ZDHHC2: variants seen among roughly 807,000 people sequenced by gnomAD.
The protein encoded by ZDHHC2 is zDHHC palmitoyltransferase 2.
Under a neutral mutation model 55.6 loss-of-function variants are expected in ZDHHC2, and 51 were observed. The observed-to-expected ratio is 0.92, with a 90% CI of 0.73 to 1.16. ZDHHC2 has a LOEUF of 1.16. Among genes scored for constraint, ZDHHC2 ranks in the 50% most tolerant of loss-of-function variants. The pLI is 0.00. For missense variants in ZDHHC2, 491 were observed against 442.4 expected, an observed-to-expected ratio of 1.11 and a Z score of -0.99; for synonymous variants, 199 against 152.9, an observed-to-expected ratio of 1.30 and a Z score of -2.22.
rs746426718 is a variant in ZDHHC2, at chr8:17,224,351, C to T, written c.*4130C>T. On this transcript the variant is annotated 3_prime_UTR_variant, in exon 13 of 13. Transcript: ENST00000262096. ...GGGGAAAATGTCTGTTAAGGCTAAT[C>T]ATCTGAGTGATTTGAGTAGCAATTA... 3.3e-5 allele frequency: 5 copies of T among 151,638 alleles called. No individual in the cohort carries two copies. Among genetic ancestry groups the T allele is most frequent in the Admixed American group, 2.6e-4 (4 of 15,174 alleles). The allele number at this position is 151,638 out of a possible 1,614,324, so 9.4% of individuals were successfully genotyped here. A position where few individuals can be genotyped will look rare whatever the true frequency, so the allele number is the denominator to read the frequency against.
At position 17,224,100 on chromosome 8, in the gene ZDHHC2, G is replaced by A. The variant is rs984193623; in HGVS notation, c.*3879G>A. The A allele has an allele frequency of 6.6e-6, 1 of 151,458 alleles. No individual in the cohort carries two copies. The highest frequency in any genetic ancestry group is 2.4e-5 in the African/African-American group (1 of 41,308). 9.4% of individuals were successfully genotyped at this position (151,458 alleles called of 1,614,324 possible). A position where few individuals can be genotyped will look rare whatever the true frequency, so the allele number is the denominator to read the frequency against. Reference sequence around the variant, plus strand: ...AAAGAACTATGATGATGCAGTCCAGGTATCTAATAGCTCAATCACCAACAC... The same window carrying A: ...AAAGAACTATGATGATGCAGTCCAGATATCTAATAGCTCAATCACCAACAC... On this transcript the variant is annotated 3_prime_UTR_variant, in exon 13 of 13. Transcript: ENST00000262096.
chr8:17,210,431 G>A lies in ZDHHC2; in HGVS notation c.901G>A (p.Asp301Asn), dbSNP rs1489871926. 2.5e-6 allele frequency: 4 copies of A among 1,613,156 alleles called. No homozygotes were observed. The South Asian group carries it at 3.3e-5, about 13-fold the overall frequency. Residue 301 changes from aspartate to asparagine, a missense_variant, in exon 10 of 13, where the codon GAT (aspartate) becomes AAT (asparagine). Asp to Asn is a conservative substitution (Grantham distance 23, BLOSUM62 1). Coordinates refer to ENST00000262096, the MANE Select transcript of ZDHHC2 (RefSeq NM_016353.5). ...CTTTCCAACTTGCCTTGTTAACCAG[G>A]ATCCTGAACAAGCATCTACTCCTGC... ...CSFPTCLVNQDPEQASTPAGL... is the reference protein window; with the variant it reads ...CSFPTCLVNQNPEQASTPAGL...
intron 1 of ZDHHC2, among the ~76,000 whole-genome samples, chr8:17,170,395 C>G (rs938602209): frequency 5.9e-5 from 9 of 152,124 alleles, no homozygotes; most frequent in African/African-American, 2.2e-4. Context: ...AAATTTTATT[C>G]CAATGAGCTC....
intron 1 of ZDHHC2, among the ~76,000 whole-genome samples, chr8:17,181,339 G>A (rs1443809240): frequency 6.6e-6 from 1 of 152,198 alleles, no homozygotes; most frequent in Non-Finnish European, 1.5e-5. Flanking sequence ...AGAGCTGGAA[G>A]TTGTAACGTT....
At chr8:17,157,142 C>T (rs1378610524) in intron 1 of ZDHHC2, among the ~76,000 whole-genome samples, 1 of 152,146 alleles carries the variant, frequency 6.6e-6, no homozygotes, top group Non-Finnish European at 1.5e-5. Flanking sequence ...GGCCACACCC[C>T]CTAGAGGGGC....
intron 6 of ZDHHC2, among the ~76,000 whole-genome samples, chr8:17,201,533 C>T (rs913831782): frequency 1.6e-5 from 2 of 126,592 alleles, no homozygotes; most frequent in Admixed American, 9.7e-5. Flanking sequence ...AGCTCTGTAA[C>T]CTGGGCTAGA....
At chr8:17,166,279 C>T (rs1475551004) in intron 1 of ZDHHC2, among the ~76,000 whole-genome samples, 2 of 152,146 alleles carry the variant, frequency 1.3e-5, no homozygotes, top group African/African-American at 4.8e-5. Flanking sequence ...CGTATTTTTA[C>T]AGTAGCGACA....
chr8:17,211,668 T>C (rs1162539253), intron 10 of ZDHHC2, among the ~76,000 whole-genome samples: 2 of 152,116 alleles, frequency 1.3e-5, no homozygotes, highest in Non-Finnish European at 2.9e-5. Context: ...TTTTAAATTG[T>C]CAAAAGAGAT....
chr8:17,200,802 A>C (rs150945914), intron 6 of ZDHHC2, among the ~76,000 whole-genome samples: 26 of 152,296 alleles, frequency 1.7e-4, no homozygotes, highest in African/African-American at 2.2e-4. Flanking sequence ...TGGCATGCCT[A>C]CACACCACCT....
At chr8:17,201,363 GA>G (rs1806751652) in intron 6 of ZDHHC2, among the ~76,000 whole-genome samples, 1 of 150,430 alleles carries the variant, frequency 6.6e-6, no homozygotes. Flanking sequence ...GTTTCCGTAT[GA>G]ATATATAAAA....
In ZDHHC2 at chr8:17,220,452, G is replaced by T. The variant is rs970031412; in HGVS notation, c.*231G>T. 3 of 152,148 alleles carry T rather than the reference G, an allele frequency of 2.0e-5. No homozygotes were observed. In the East Asian group the frequency reaches 5.8e-4, roughly 29 times the overall value. 9.4% of individuals were successfully genotyped at this position (152,148 alleles called of 1,614,324 possible). A position where few individuals can be genotyped will look rare whatever the true frequency, so the allele number is the denominator to read the frequency against. ...CACAAATTCCTATTAAATATTAAAA[G>T]TAGTTCTGGTTTATTAATCAACGGG... On this transcript the variant is annotated 3_prime_UTR_variant, in exon 13 of 13. Coordinates refer to ENST00000262096, the MANE Select transcript of ZDHHC2 (RefSeq NM_016353.5).
chr8:17,220,932 A>G lies in ZDHHC2; in HGVS notation c.*711A>G, dbSNP rs1337939054. The stretch of plus-strand genomic sequence containing the variant: ...TTTTGTCAGAATACGGTACATTTCT[A>G]TTACATCAGAAATATATTTTCATCT... On this transcript the variant is annotated 3_prime_UTR_variant, in exon 13 of 13. Transcript: ENST00000262096. 1.3e-5 allele frequency: 2 copies of G among 152,192 alleles called. No homozygotes were observed. The highest frequency in any genetic ancestry group is 2.4e-5 in the African/African-American group (1 of 41,452). The allele number at this position is 152,192 out of a possible 1,614,324, so 9.4% of individuals were successfully genotyped here. A position where few individuals can be genotyped will look rare whatever the true frequency, so the allele number is the denominator to read the frequency against.
chr8:17,201,851 T>C (rs1167909949), intron 6 of ZDHHC2, among the ~76,000 whole-genome samples: 1 of 152,060 alleles, frequency 6.6e-6, no homozygotes, highest in East Asian at 1.9e-4. Flanking sequence ...TTCATATCTG[T>C]CAACTTTGAA....
intron 10 of ZDHHC2, among the ~76,000 whole-genome samples, chr8:17,212,359 C>T (rs1255950880): frequency 2.0e-5 from 3 of 152,076 alleles, no homozygotes; most frequent in Non-Finnish European, 4.4e-5. Flanking sequence ...GCCATGTGTA[C>T]CCTCATCACC....
intron 1 of ZDHHC2, among the ~76,000 whole-genome samples, chr8:17,167,615 A>G (rs1804667591): frequency 1.3e-5 from 2 of 152,114 alleles, no homozygotes; most frequent in Admixed American, 6.5e-5. Flanking sequence ...TAATATTTTT[A>G]TGGTTTCACA....
At chr8:17,180,151 T>G (rs1351689871) in intron 1 of ZDHHC2, among the ~76,000 whole-genome samples, 1 of 152,278 alleles carries the variant, frequency 6.6e-6, no homozygotes, top group African/African-American at 2.4e-5. Flanking sequence ...GATTATAAGA[T>G]TTAGGTCTTT....
rs148908732 is a variant in ZDHHC2, at chr8:17,193,041, C to T, written c.253-2463C>T. On this transcript the variant is annotated intron_variant, in intron 3 of 12. Coordinates refer to ENST00000262096, the MANE Select transcript of ZDHHC2 (RefSeq NM_016353.5). ...ATGCTAGTCTTACGCCAGTACCGTG[C>T]TATTTAGGTTACTCCCCTACACTAA... Among the ~76,000 whole-genome samples, 10 of 152,282 alleles carry T rather than the reference C, an allele frequency of 6.6e-5. No individual in the cohort carries two copies. The East Asian group carries it at 1.9e-3, about 29-fold the overall frequency.
chr8:17,193,771 G>T (rs74726175), intron 3 of ZDHHC2, among the ~76,000 whole-genome samples: 185 of 147,258 alleles, frequency 1.3e-3, no homozygotes, highest in African/African-American at 3.9e-3. Flanking sequence ...TGGCTTATTA[G>T]CATTTTTTTT....
Position 17,179,665 on chromosome 8 carries a change from C to T in ZDHHC2, c.131-5124C>T, listed in dbSNP as rs758262630. ...GCCTTAAGTGATCCTCCCACTTTGG[C>T]CTCCCGAAGTGCTGGCATTTCATGC... On this transcript the variant is annotated intron_variant, in intron 1 of 12. Transcript: ENST00000262096. Among the ~76,000 whole-genome samples the T allele has an allele frequency of 6.6e-5, 10 of 152,202 alleles. 1 individual carries two copies. Among genetic ancestry groups the T allele is most frequent in the South Asian group, 4.1e-4 (2 of 4,834 alleles).
Sources: gnomAD v4.1 joint callset for allele counts (sites outside exome capture counted in the v4.1 genomes callset) on GRCh38, gnomAD v4.1.1 for gene constraint, MANE v1.5 for transcripts, NCBI Gene and HGNC (gene_info 2026-07-23, HGNC 2026-07-21) for gene names.